ARHGAP6: variants seen among roughly 807,000 people sequenced by gnomAD.
ARHGAP6 encodes the protein rho GTPase-activating protein 6.
In ARHGAP6, 16 loss-of-function variants were observed where a neutral mutation model predicts 55.7. The ratio of observed to expected loss-of-function variants is 0.29; its 90% CI spans 0.19 to 0.44. The LOEUF (loss-of-function observed/expected upper bound fraction) is 0.44. Among genes scored for constraint, ARHGAP6 ranks in the 20% least tolerant of loss-of-function variants. The pLI is 1.00. For synonymous variants in ARHGAP6, 382 were observed against 360.9 expected (o/e 1.06, Z -0.66); for missense variants, 698 against 808.9 (o/e 0.86, Z 1.66).
intron 1 of ARHGAP6, among the ~76,000 whole-genome samples, chrX:11,275,980 T>G (rs1464321302): frequency 9.0e-6 from 1 of 111,678 alleles, no homozygotes; most frequent in Non-Finnish European, 1.9e-5. Context: ...TATGGACCTA[T>G]AAGGAACACC....
intron 1 of ARHGAP6, among the ~76,000 whole-genome samples, chrX:11,607,859 A>G (rs1326104822): frequency 8.9e-6 from 1 of 112,315 alleles, no homozygotes; most frequent in Non-Finnish European, 1.9e-5. Context: ...AACCAGTGCA[A>G]AAGCCTAACA....
At chrX:11,463,776 T>C (rs1390049219) in intron 1 of ARHGAP6, among the ~76,000 whole-genome samples, 1 of 112,641 alleles carries the variant, frequency 8.9e-6, no homozygotes, top group Non-Finnish European at 1.9e-5. Context: ...CTTTGCGTGC[T>C]TCCCACAGAC....
intron 1 of ARHGAP6, among the ~76,000 whole-genome samples, chrX:11,495,028 ATCAG>A (rs1334605826): frequency 8.9e-6 from 1 of 112,092 alleles, no homozygotes; most frequent in African/African-American, 3.2e-5. Flanking sequence ...AAATAATCAT[ATCAG>A]TAATAGAGAA....
intron 1 of ARHGAP6, among the ~76,000 whole-genome samples, chrX:11,323,866 C>CAAAAAAAAAAA (rs61462099): frequency 3.7e-4 from 15 of 40,198 alleles, no homozygotes; most frequent in Non-Finnish European, 5.1e-4. Context: ...ACCCCCATTT[C>CAAAAAAAAAAA]AAAAAAAAAA....
At chrX:11,239,193 G>A in intron 2 of ARHGAP6, among the ~76,000 whole-genome samples, 1 of 111,347 alleles carries the variant, frequency 9.0e-6, no homozygotes, top group South Asian at 3.8e-4. Flanking sequence ...AACTGGGTAA[G>A]GGGCATAAGG....
At chrX:11,208,444 C>A (rs1292744127) in intron 2 of ARHGAP6, among the ~76,000 whole-genome samples, 9 of 111,814 alleles carry the variant, frequency 8.0e-5, no homozygotes, top group Admixed American at 6.7e-4. Context: ...CCGTAAGGAT[C>A]TGCACATTTT....
rs545877333 is a variant in ARHGAP6 at position 11,530,274 on chromosome X, C to A, written c.588+133967G>T. Among the ~76,000 whole-genome samples, 419 of 112,053 alleles carry A rather than the reference C, an allele frequency of 3.7e-3. 1 individual carries two copies. The highest frequency in any genetic ancestry group is 0.014 in the Middle Eastern group (3 of 217). On this transcript the variant is annotated intron_variant, in intron 1 of 12. Coordinates refer to ENST00000337414, the MANE Select transcript of ARHGAP6 (RefSeq NM_013427.3). ...CATGGTGGTGTAGGTGCTACAGATA[C>A]AACATTGAACAAACCATGGTTCCTA...
intron 1 of ARHGAP6, among the ~76,000 whole-genome samples, chrX:11,271,734 T>C (rs1265267123): frequency 9.0e-6 from 1 of 111,723 alleles, no homozygotes; most frequent in African/African-American, 3.2e-5. Flanking sequence ...TCATTCTAAG[T>C]GGGGAAAAGC....
chrX:11,176,300 CATATATAT>C (rs59647126), intron 8 of ARHGAP6, among the ~76,000 whole-genome samples: 920 of 15,532 alleles, frequency 0.059, 47 homozygotes, highest in Non-Finnish European at 0.12. Flanking sequence ...TATTTGCATG[CATATATAT>C]ATATATATAT....
chrX:11,368,004 C>A (rs2049102224), intron 1 of ARHGAP6, among the ~76,000 whole-genome samples: 1 of 112,605 alleles, frequency 8.9e-6, no homozygotes, highest in Non-Finnish European at 1.9e-5. Flanking sequence ...CTGTTCTCCT[C>A]TTTCAGCATC....
intron 1 of ARHGAP6, among the ~76,000 whole-genome samples, chrX:11,286,874 C>T (rs961463211): frequency 8.9e-6 from 1 of 111,851 alleles, no homozygotes; most frequent in African/African-American, 3.3e-5. Flanking sequence ...TCCATAGACA[C>T]AGGAAATAGA....
intron 1 of ARHGAP6, among the ~76,000 whole-genome samples, chrX:11,377,552 G>A (rs1280686669): frequency 8.9e-6 from 1 of 111,914 alleles, no homozygotes; most frequent in African/African-American, 3.2e-5. Flanking sequence ...TTAATTGTAT[G>A]GTATGTGAAT....
intron 1 of ARHGAP6, among the ~76,000 whole-genome samples, chrX:11,481,777 G>T (rs1365114913): frequency 8.9e-6 from 1 of 112,413 alleles, no homozygotes; most frequent in Non-Finnish European, 1.9e-5. Flanking sequence ...TGCTTAATCT[G>T]GCAACCCTAA....
chrX:11,593,438 G>A (rs181216954), intron 1 of ARHGAP6, among the ~76,000 whole-genome samples: 31 of 112,215 alleles, frequency 2.8e-4, no homozygotes, highest in Non-Finnish European at 4.3e-4. Flanking sequence ...CCAGACTTTA[G>A]GGAGGATGAG....
intron 7 of ARHGAP6, 84 bp from the exon 8 acceptor site, chrX:11,178,332 T>A: frequency 9.8e-7 from 1 of 1,023,565 alleles, no homozygotes; most frequent in South Asian, 2.4e-5. Flanking sequence ...CTCAATTGTC[T>A]TAAGAAAGGG....
chrX:11,535,132 T>C (rs751220165), intron 1 of ARHGAP6, among the ~76,000 whole-genome samples: 17 of 111,760 alleles, frequency 1.5e-4, no homozygotes, highest in African/African-American at 5.5e-4. Context: ...TATCAACAAG[T>C]GGCCCCTCTC....
At chrX:11,244,589 T>G (rs965532772) in intron 2 of ARHGAP6, among the ~76,000 whole-genome samples, 2 of 112,432 alleles carry the variant, frequency 1.8e-5, no homozygotes, top group Non-Finnish European at 3.8e-5. Flanking sequence ...CGTATACGTA[T>G]TTGCTTTTAT....
chrX:11,664,404 A>C lies in ARHGAP6; in HGVS notation c.425T>G (p.Val142Gly). 1.7e-6 allele frequency: 2 copies of C among 1,211,859 alleles called. No individual in the cohort carries two copies. Among genetic ancestry groups the C allele is most frequent in the Non-Finnish European group, 2.2e-6 (2 of 895,429 alleles). The change falls in exon 1 of 13, where the codon GTC becomes GGC. Residue 142 changes from valine to glycine, a missense_variant. Physicochemically the swap from Val to Gly is moderately radical, Grantham distance 109. This residue lies in a region of ARHGAP6 where 164 missense variants were observed against 149.2 expected (regional missense o/e 1.10). Coordinates refer to ENST00000337414, the MANE Select transcript of ARHGAP6 (RefSeq NM_013427.3). ...TCGGCTACTGGCTGGCCCGGCCAGGACAGAAGGCAGGTCCCAGGCCATGCT... is the reference window on the plus strand; with the variant it reads ...TCGGCTACTGGCTGGCCCGGCCAGGCCAGAAGGCAGGTCCCAGGCCATGCT... ...KKSMAWDLPS[V>G]LAGPASSRSA... is the part of the protein sequence containing the mutation.
At chrX:11,265,798 A>G (rs1251128497) in intron 1 of ARHGAP6, 3 of 927,617 alleles carry the variant, frequency 3.2e-6, no homozygotes, top group Admixed American at 4.6e-5. Flanking sequence ...TAAAAAATGC[A>G]TCCTGAAATG....
Sources: gnomAD v4.1 joint callset for allele counts (sites outside exome capture counted in the v4.1 genomes callset) on GRCh38, gnomAD v4.1.1 for gene constraint, gnomAD v4.1.1 regional missense constraint, MANE v1.5 for transcripts, NCBI Gene and HGNC (gene_info 2026-07-23, HGNC 2026-07-21) for gene names.